Variants in CDH22 observed in about 807,000 individuals in gnomAD.
The protein encoded by CDH22 is cadherin-22.
CDH22 carries 30 observed loss-of-function variants against 58.4 expected under a neutral mutation model. The ratio of observed to expected loss-of-function variants is 0.51; its 90% CI spans 0.38 to 0.70. The LOEUF (loss-of-function observed/expected upper bound fraction) is 0.70. Among genes scored for constraint, CDH22 ranks in the 30% least tolerant of loss-of-function variants. The probability of loss-of-function intolerance (pLI) is 0.00; values close to 1 mark genes in which losing one functional copy is unlikely to be tolerated. For synonymous variants in CDH22, 513 were observed against 558.2 expected (o/e 0.92, Z 1.14); for missense variants, 1,014 against 1,233.9 (o/e 0.82, Z 2.67).
chr20:46,247,980 T>C (rs1378962515), intron 2 of CDH22, among the ~76,000 whole-genome samples: 1 of 152,164 alleles, frequency 6.6e-6, no homozygotes, highest in Non-Finnish European at 1.5e-5. Context: ...GAAAGGGCCC[T>C]GGGCCCAGCA....
intron 8 of CDH22, among the ~76,000 whole-genome samples, chr20:46,188,470 G>A (rs1016566346): frequency 4.6e-5 from 7 of 151,996 alleles, no homozygotes; most frequent in Non-Finnish European, 2.9e-5. Context: ...ACTGCTCAAG[G>A]ACTTCGCCAA....
chr20:46,177,438 A>C (rs545953431), intron 11 of CDH22, among the ~76,000 whole-genome samples: 1 of 152,230 alleles, frequency 6.6e-6, no homozygotes, highest in South Asian at 2.1e-4. Context: ...TTTTGCTCTC[A>C]GTTTAGATTC....
chr20:46,303,454 TG>T, intron 1 of CDH22, among the ~76,000 whole-genome samples: 1 of 152,328 alleles, frequency 6.6e-6, no homozygotes, highest in Admixed American at 6.5e-5. Context: ...TCCTGTCAGC[TG>T]GGATTCAGGC....
chr20:46,174,267 C>A lies in CDH22; in HGVS notation c.*239G>T. 2.0e-6 allele frequency: 1 copy of A among 489,774 alleles called. No individual in the cohort carries two copies. Among genetic ancestry groups the A allele is most frequent in the Non-Finnish European group, 3.5e-6 (1 of 281,700 alleles). 30.3% of individuals were successfully genotyped at this position (489,774 alleles called of 1,614,324 possible). On this transcript the variant is annotated 3_prime_UTR_variant, in exon 12 of 12. Transcript: ENST00000537909. This position sits in a 1 kb window ranked among gnomAD's most constrained non-coding sequence, Gnocchi z 4.4. ...TCTAACCCCAGAGCCACACCGTGCC[C>A]GGTCTCGCCTCAGTTTTAATGCCGT...
intron 11 of CDH22, 45 bp downstream of exon 11, chr20:46,177,901 G>A (rs369762652): frequency 6.2e-7 from 1 of 1,601,622 alleles, no homozygotes; most frequent in Non-Finnish European, 8.5e-7. Context: ...AGGACGCCAG[G>A]ATGGGGCCAA....
chr20:46,238,747 C>T (rs2086270933), intron 3 of CDH22, among the ~76,000 whole-genome samples: 1 of 152,230 alleles, frequency 6.6e-6, no homozygotes, highest in Admixed American at 6.5e-5. Flanking sequence ...AACCTCTTTT[C>T]AACACCTCCA....
intron 3 of CDH22, among the ~76,000 whole-genome samples, chr20:46,232,572 C>T (rs372404723): frequency 2.0e-5 from 3 of 152,206 alleles, no homozygotes; most frequent in African/African-American, 7.2e-5. Flanking sequence ...CCTTTTGCCA[C>T]CCCACTGGGT....
chr20:46,196,166 G>A (rs1438536493), intron 8 of CDH22, among the ~76,000 whole-genome samples: 1 of 152,160 alleles, frequency 6.6e-6, no homozygotes, highest in Admixed American at 6.5e-5. Context: ...TGATCTTGGG[G>A]CCATCCCTGT....
At position 46,181,752 on chromosome 20, in the gene CDH22, C is replaced by CTTCTTTCTTTCTTTCTTTCTTTCTTTCT. The variant is rs1191055789; in HGVS notation, c.1664-3583_1664-3556dup. ...CCTTCCTTCCTTCCTTCCTTCCTTC[C>CTTCTTTCTTTCTTTCTTTCTTTCTTTCT]TTCTTTCTTTCTTTCTTTCTTTCTT... is the stretch of plus-strand genomic sequence containing the variant. On this transcript the variant is annotated intron_variant, in intron 10 of 11. Transcript: ENST00000537909. 2.7e-3 allele frequency among the ~76,000 whole-genome samples: 71 copies of CTTCTTTCTTTCTTTCTTTCTTTCTTTCT among 26,248 alleles called. 2 individuals are homozygous for CTTCTTTCTTTCTTTCTTTCTTTCTTTCT. Among genetic ancestry groups the CTTCTTTCTTTCTTTCTTTCTTTCTTTCT allele is most frequent in the Non-Finnish European group, 4.1e-3 (49 of 12,056 alleles). The allele number at this position is 26,248 out of a possible 152,430, so 17.2% of individuals were successfully genotyped here. A position where few individuals can be genotyped will look rare whatever the true frequency, so the allele number is the denominator to read the frequency against.
chr20:46,270,433 A>C (rs1426426454), intron 1 of CDH22, among the ~76,000 whole-genome samples: 1 of 152,100 alleles, frequency 6.6e-6, no homozygotes, highest in African/African-American at 2.4e-5. Context: ...CTTTTACTTT[A>C]TCCCCTCTCC....
chr20:46,196,572 C>G (rs1270956043), intron 8 of CDH22, among the ~76,000 whole-genome samples: 1 of 152,180 alleles, frequency 6.6e-6, no homozygotes, highest in Non-Finnish European at 1.5e-5. Context: ...CTGTGCCTGG[C>G]CTGTGAGAGC....
intron 2 of CDH22, among the ~76,000 whole-genome samples, chr20:46,243,049 T>C (rs1262364191): frequency 1.3e-5 from 2 of 152,180 alleles, no homozygotes; most frequent in African/African-American, 4.8e-5. Flanking sequence ...GATGAGGCTT[T>C]GGGCAGGTCC....
At chr20:46,185,876 CA>C (rs1201397745) in intron 10 of CDH22, among the ~76,000 whole-genome samples, 1 of 151,322 alleles carries the variant, frequency 6.6e-6, no homozygotes, top group Non-Finnish European at 1.5e-5. Context: ...AGAACAATTC[CA>C]AAAACCAAAA....
At chr20:46,283,444 T>C (rs958370809) in intron 1 of CDH22, among the ~76,000 whole-genome samples, 3 of 152,110 alleles carry the variant, frequency 2.0e-5, no homozygotes, top group Non-Finnish European at 1.5e-5. Flanking sequence ...ATGGTGAGGA[T>C]GAAGAGGGGG....
chr20:46,178,113 T>C lies in CDH22; in HGVS notation c.1748A>G (p.Asp583Gly), dbSNP rs1219536016. Residue 583 changes from aspartate to glycine, a missense_variant, in exon 11 of 12, where the codon GAC becomes GGC. Around this residue, in one of 2 missense-constraint regions of CDH22, gnomAD observed 806 missense variants for 1,038.7 expected, o/e 0.78. Transcript: ENST00000537909. The stretch of plus-strand genomic sequence containing the variant: ...GCTGCTCAGTGTGGGCGGCCCACTG[T>C]CTACCACCAGGATGGGCAGGAAGAA... The part of the protein sequence containing the change: ...DVFFLPILVV[D>G]SGPPTLSSTG... 1.9e-6 allele frequency: 3 copies of C among 1,613,836 alleles called. No individual in the cohort carries two copies. Among genetic ancestry groups the C allele is most frequent in the African/African-American group, 1.3e-5 (1 of 74,876 alleles).
intron 1 of CDH22, among the ~76,000 whole-genome samples, chr20:46,284,535 G>T (rs1011144285): frequency 2.0e-5 from 3 of 152,182 alleles, no homozygotes; most frequent in Non-Finnish European, 2.9e-5. Context: ...GCCCCAGGAG[G>T]TAGATGTACA....
chr20:46,193,667 G>A lies in CDH22; in HGVS notation c.1423+5756C>T, dbSNP rs1401390325. Among the ~76,000 whole-genome samples the A allele has an allele frequency of 2.6e-5, 4 of 152,190 alleles. No individual in the cohort carries two copies. In the East Asian group the frequency reaches 7.7e-4, roughly 29 times the overall value. On this transcript the variant is annotated intron_variant, in intron 8 of 11. Coordinates refer to ENST00000537909, the MANE Select transcript of CDH22 (RefSeq NM_021248.3). ...ACTCACCCCTTGCCTCACCTGCTCT[G>A]GACACCCTTCAGCTCCAGAGCCTGG...
chr20:46,180,632 G>T (rs1489480080), intron 10 of CDH22, among the ~76,000 whole-genome samples: 2 of 152,120 alleles, frequency 1.3e-5, no homozygotes, highest in Non-Finnish European at 2.9e-5. Flanking sequence ...AAGAGTTGTG[G>T]CATTATTCCC....
At chr20:46,265,228 AG>A (rs926726002) in intron 1 of CDH22, among the ~76,000 whole-genome samples, 1 of 152,176 alleles carries the variant, frequency 6.6e-6, no homozygotes, top group Non-Finnish European at 1.5e-5. Flanking sequence ...GGATGGGGGC[AG>A]GGCCCTGCCA....
Sources: allele counts gnomAD v4.1 joint callset (sites outside exome capture counted in the v4.1 genomes callset), GRCh38; gene constraint gnomAD v4.1.1; regional missense constraint gnomAD v4.1.1; non-coding constraint Gnocchi (gnomAD v3.1); transcripts MANE v1.5; gene names NCBI Gene and HGNC (gene_info 2026-07-23, HGNC 2026-07-21).